Variants in SATL1 observed in about 807,000 individuals in gnomAD.
SATL1 encodes spermidine/spermine N(1)-acetyltransferase-like protein 1.
A neutral mutation model predicts 51.8 loss-of-function variants in SATL1; 47 were observed. The observed-to-expected ratio is 0.91, with a 90% CI of 0.72 to 1.16. The LOEUF (loss-of-function observed/expected upper bound fraction) is 1.16, where lower values mean the gene tolerates loss of function less well. Ranked by LOEUF, SATL1 falls within the 50% of genes most tolerant of loss-of-function variation. SATL1 has a pLI of 0.00. For synonymous variants in SATL1, 176 were observed against 182.4 expected, an observed-to-expected ratio of 0.97 and a Z score of 0.28; for missense variants, 520 against 526.4, an observed-to-expected ratio of 0.99 and a Z score of 0.12.
chrX:85,202,326 AT>A, intron 2 of SATL1, among the ~76,000 whole-genome samples: 1 of 111,321 alleles, frequency 9.0e-6, no homozygotes, highest in Non-Finnish European at 1.9e-5. Context: ...CCATTTGCCA[AT>A]TTTTGCTTTT....
At chrX:85,105,400 T>C (rs1304250000) in intron 3 of SATL1, among the ~76,000 whole-genome samples, 1 of 111,487 alleles carries the variant, frequency 9.0e-6, no homozygotes, top group African/African-American at 3.3e-5. Flanking sequence ...CTACTTGGTA[T>C]ATAATCTTCC....
At chrX:85,116,689 A>G (rs1963562471) in intron 2 of SATL1, among the ~76,000 whole-genome samples, 1 of 111,282 alleles carries the variant, frequency 9.0e-6, no homozygotes, top group African/African-American at 3.3e-5. Flanking sequence ...GTTAACAACC[A>G]ACTGACCATC....
chrX:85,153,482 G>A (rs962612758), intron 2 of SATL1, among the ~76,000 whole-genome samples: 3 of 111,593 alleles, frequency 2.7e-5, no homozygotes, highest in African/African-American at 9.8e-5. Flanking sequence ...CTTCATACGT[G>A]CCACATCTTC....
rs762967649 is a variant in SATL1 at position 85,092,456 on chromosome X, C to T, written c.2023G>A (p.Glu675Lys). 1.7e-5 allele frequency: 20 copies of T among 1,201,150 alleles called. No homozygotes were observed. The East Asian group carries it at 4.2e-4, about 25-fold the overall frequency. ...AACCTGAAGAGATGCCAGCCCTCCT[C>T]AGAGGAAAGGTCTAAAGCCCCTCGA... Reference protein sequence around the residue: ...TSRGALDLSSEEGWHLFRFNR... With the variant: ...TSRGALDLSSKEGWHLFRFNR... The change falls in exon 8 of 8, where the codon GAG becomes AAG. Residue 675 changes from glutamate (E) to lysine (K), a missense_variant. Coordinates refer to ENST00000644105, the MANE Select transcript of SATL1 (RefSeq NM_001367857.2).
intron 2 of SATL1, among the ~76,000 whole-genome samples, chrX:85,112,406 G>A (rs1302174254): frequency 9.0e-6 from 1 of 111,187 alleles, no homozygotes; most frequent in African/African-American, 3.3e-5. Context: ...TTGGAAGAGC[G>A]CCAAGCAGGT....
chrX:85,097,562 G>A (rs1924765835), intron 4 of SATL1, among the ~76,000 whole-genome samples: 1 of 111,230 alleles, frequency 9.0e-6, no homozygotes, highest in African/African-American at 3.3e-5. Context: ...GGCTAGTCTC[G>A]AACTCCTGGC....
chrX:85,228,850 C>T (rs1928325978), intron 1 of SATL1, among the ~76,000 whole-genome samples: 1 of 111,616 alleles, frequency 9.0e-6, no homozygotes, highest in Non-Finnish European at 1.9e-5. Flanking sequence ...TACACTCTTT[C>T]TTGATGATCT....
chrX:85,117,461 C>T (rs1925406026), intron 2 of SATL1: 2 of 111,290 alleles, frequency 1.8e-5, no homozygotes, highest in Admixed American at 1.9e-4. Context: ...CTAGAGCAAG[C>T]AGAGTTTAAA....
At chrX:85,219,068 G>A (rs1445179892) in intron 2 of SATL1, 2 of 111,763 alleles carry the variant, frequency 1.8e-5, no homozygotes, top group Non-Finnish European at 3.8e-5. Flanking sequence ...TACACCAGGA[G>A]TTCCAAAATC....
chrX:85,140,929 T>A (rs1926093473), intron 2 of SATL1, among the ~76,000 whole-genome samples: 1 of 111,957 alleles, frequency 8.9e-6, no homozygotes, highest in Non-Finnish European at 1.9e-5. Flanking sequence ...AAATCTCACA[T>A]AACAAGAAGT....
At chrX:85,185,107 T>C (rs1927285478) in intron 2 of SATL1, among the ~76,000 whole-genome samples, 1 of 112,199 alleles carries the variant, frequency 8.9e-6, no homozygotes, top group African/African-American at 3.2e-5. Flanking sequence ...TACCACCTTG[T>C]TGGTCTTGGG....
At chrX:85,237,790 G>T (rs1434879653) in intron 1 of SATL1, among the ~76,000 whole-genome samples, 1 of 111,172 alleles carries the variant, frequency 9.0e-6, no homozygotes, top group Non-Finnish European at 1.9e-5. Context: ...CACAAAATGG[G>T]AGAATATATT....
At chrX:85,099,594 A>G (rs1020499573) in intron 4 of SATL1, among the ~76,000 whole-genome samples, 17 of 111,908 alleles carry the variant, frequency 1.5e-4, no homozygotes, top group African/African-American at 5.5e-4. Flanking sequence ...GTGCACCAAC[A>G]TAAGAATATC....
At chrX:85,198,163 C>G (rs73511676) in intron 2 of SATL1, among the ~76,000 whole-genome samples, 8,606 of 111,467 alleles carry the variant, frequency 0.077, 750 homozygotes, top group African/African-American at 0.25. Context: ...ATGACTGAAT[C>G]TCATTCTTTT....
At chrX:85,220,506 T>C (rs912766894) in intron 2 of SATL1, among the ~76,000 whole-genome samples, 2 of 107,054 alleles carry the variant, frequency 1.9e-5, no homozygotes, top group African/African-American at 3.4e-5. Context: ...TTTCTTCCTC[T>C]TGAGGTGAAG....
At chrX:85,234,034 A>G (rs995143560) in intron 1 of SATL1, among the ~76,000 whole-genome samples, 1 of 111,369 alleles carries the variant, frequency 9.0e-6, no homozygotes, top group African/African-American at 3.3e-5. Context: ...TAAAGAAAGG[A>G]TACTAAACAC....
chrX:85,175,840 C>T (rs1359892939), intron 2 of SATL1, among the ~76,000 whole-genome samples: 2 of 110,747 alleles, frequency 1.8e-5, no homozygotes, highest in Non-Finnish European at 1.9e-5. Flanking sequence ...GGAATAAATA[C>T]TTCAATCTTA....
intron 1 of SATL1, among the ~76,000 whole-genome samples, chrX:85,232,986 T>A (rs1170057083): frequency 2.7e-5 from 3 of 111,970 alleles, no homozygotes; most frequent in Non-Finnish European, 5.6e-5. Context: ...AGGCCTTAAG[T>A]GAGACCCCCT....
intron 2 of SATL1, among the ~76,000 whole-genome samples, chrX:85,156,865 ATAT>A (rs1569238927): frequency 1.3e-3 from 80 of 59,751 alleles, no homozygotes; most frequent in African/African-American, 5.0e-3. Context: ...ATATATATAT[ATAT>A]AAAATATGTA....
Sources: gnomAD v4.1 joint callset for allele counts (sites outside exome capture counted in the v4.1 genomes callset) on GRCh38, gnomAD v4.1.1 for gene constraint, MANE v1.5 for transcripts, NCBI Gene and HGNC (gene_info 2026-07-23, HGNC 2026-07-21) for gene names.